Variants in ANTXRL observed in about 807,000 individuals in gnomAD.
ANTXRL encodes the protein anthrax toxin receptor-like.
Under a neutral mutation model 75.4 loss-of-function variants are expected in ANTXRL, and 63 were observed. The ratio of observed to expected loss-of-function variants is 0.84; its 90% CI spans 0.68 to 1.03. The LOEUF is 1.03. Ranked by LOEUF, ANTXRL falls within the 50% of genes least tolerant of loss-of-function variation. The pLI is 0.00. For synonymous variants in ANTXRL, 335 were observed against 291.3 expected (o/e 1.15, Z -1.53); for missense variants, 797 against 789.4 (o/e 1.01, Z -0.12).
chr10:46,300,378 G>A (rs1350027221), intron 9 of ANTXRL, among the ~76,000 whole-genome samples: 1 of 152,120 alleles, frequency 6.6e-6, no homozygotes, highest in African/African-American at 2.4e-5. Context: ...AGGGAGGGAG[G>A]CATGCAGCCC....
intron 16 of ANTXRL, among the ~76,000 whole-genome samples, chr10:46,318,561 T>C (rs1384457144): frequency 6.6e-6 from 1 of 152,054 alleles, no homozygotes; most frequent in African/African-American, 2.4e-5. Flanking sequence ...AGAAAAGCAG[T>C]GAGAGAAGAC....
At chr10:46,321,981 G>A (rs1472678754) in intron 16 of ANTXRL, among the ~76,000 whole-genome samples, 1 of 152,150 alleles carries the variant, frequency 6.6e-6, no homozygotes, top group Non-Finnish European at 1.5e-5. Flanking sequence ...GTGCCATCAT[G>A]TCCATAATAT....
intron 10 of ANTXRL, among the ~76,000 whole-genome samples, chr10:46,303,167 G>A (rs1837860004): frequency 6.6e-6 from 1 of 152,166 alleles, no homozygotes; most frequent in Non-Finnish European, 1.5e-5. Context: ...AGCCCACAAG[G>A]CTACTTCTAG....
chr10:46,291,968 A>G, intron 1 of ANTXRL, 90 bp from the exon 2 acceptor site: 1 of 1,246,216 alleles, frequency 8.0e-7, no homozygotes, highest in South Asian at 1.3e-5. Flanking sequence ...GAGCTTGTTA[A>G]GAGCCTGCTG....
At chr10:46,292,005 G>A (rs1588783702) in intron 1 of ANTXRL, 53 bp from the exon 2 acceptor site, 2 of 1,497,538 alleles carry the variant, frequency 1.3e-6, no homozygotes, top group East Asian at 2.5e-5. Context: ...GCAGACACTT[G>A]CCCATCGGAG....
intron 16 of ANTXRL, among the ~76,000 whole-genome samples, chr10:46,319,754 C>T (rs1354243677): frequency 6.6e-6 from 1 of 152,026 alleles, no homozygotes; most frequent in Non-Finnish European, 1.5e-5. Flanking sequence ...ATTTAGGATG[C>T]CTGCAAACCA....
At chr10:46,316,663 C>T (rs1838741905) in intron 16 of ANTXRL, among the ~76,000 whole-genome samples, 1 of 152,126 alleles carries the variant, frequency 6.6e-6, no homozygotes, top group South Asian at 2.1e-4. Context: ...GTCCTGCTGT[C>T]AGAGTGATCT....
chr10:46,290,045 C>CTTTTTTTTTTTTTTTTTTTTTTT (rs34276033), intron 1 of ANTXRL, among the ~76,000 whole-genome samples: 1 of 119,670 alleles, frequency 8.4e-6, no homozygotes, highest in Non-Finnish European at 1.6e-5. Context: ...TTTTCTTTAT[C>CTTTTTTTTTTTTTTTTTTTTTTT]TTTTTTTTTT....
chr10:46,287,170 G>A lies in ANTXRL; in HGVS notation c.-93G>A. 6 of 1,459,300 alleles carry A rather than the reference G, an allele frequency of 4.1e-6. No individual in the cohort carries two copies. The highest frequency in any genetic ancestry group is 5.4e-6 in the Non-Finnish European group (6 of 1,107,206). 90.4% of individuals were successfully genotyped at this position (1,459,300 alleles called of 1,614,324 possible). A position where few individuals can be genotyped will look rare whatever the true frequency, so the allele number is the denominator to read the frequency against. On this transcript the variant is annotated 5_prime_UTR_variant, in exon 1 of 17. Coordinates refer to ENST00000620264, the MANE Select transcript of ANTXRL (RefSeq NM_001278688.3). The stretch of plus-strand genomic sequence containing the variant: ...AGGAGGGGTGTGGCCCCGGGCATAA[G>A]GGGAGGCGGCAAAGAAGGGGCCTGT...
intron 5 of ANTXRL, among the ~76,000 whole-genome samples, chr10:46,296,551 G>GC (rs5784716): frequency 0.4 from 61,226 of 151,686 alleles, 12,136 homozygotes; most frequent in Non-Finnish European, 0.48. Flanking sequence ...CAAGGGGTTT[G>GC]CCCCTTGCAC....
chr10:46,293,835 T>C lies in ANTXRL; in HGVS notation c.327T>C (p.Asn109=). The C allele has an allele frequency of 6.5e-7, 1 of 1,535,578 alleles. No homozygotes were observed. Among genetic ancestry groups the C allele is most frequent in the African/African-American group, 1.4e-5 (1 of 73,074 alleles). ...GCACATGATTCCTTCACAGCCCAAA[T>C]ATTCGGATGTGCTTCATCACCTACT... ...EETVARFQSP[N]IRMCFITYST... Residue 109 remains asparagine (N), a synonymous_variant, in exon 3 of 17, where the codon AAT becomes AAC. Transcript: ENST00000620264.
chr10:46,296,137 C>T (rs1554958558), intron 4 of ANTXRL, 37 bp downstream of exon 4: 3 of 1,534,810 alleles, frequency 2.0e-6, no homozygotes, highest in Non-Finnish European at 2.6e-6. Flanking sequence ...TAACCCTAAC[C>T]CTAACCCTAA....
chr10:46,290,045 C>CT (rs34276033), intron 1 of ANTXRL, among the ~76,000 whole-genome samples: 3,287 of 119,612 alleles, frequency 0.027, 165 homozygotes, highest in African/African-American at 0.065. Context: ...TTTTCTTTAT[C>CT]TTTTTTTTTT....
At chr10:46,303,377 A>G (rs536237658) in intron 10 of ANTXRL, among the ~76,000 whole-genome samples, 1 of 152,276 alleles carries the variant, frequency 6.6e-6, no homozygotes, top group East Asian at 1.9e-4. Flanking sequence ...TCTCAATTTA[A>G]CATGGAGGCA....
At chr10:46,289,131 G>A (rs753503157) in intron 1 of ANTXRL, among the ~76,000 whole-genome samples, 1 of 152,150 alleles carries the variant, frequency 6.6e-6, no homozygotes, top group African/African-American at 2.4e-5. Context: ...CCTGCAGGCA[G>A]GCTCTTTGGT....
chr10:46,314,849 A>AG (rs1190111124), intron 16 of ANTXRL, among the ~76,000 whole-genome samples: 3 of 152,120 alleles, frequency 2.0e-5, no homozygotes, highest in Admixed American at 6.6e-5. Context: ...GGCTGCCTCC[A>AG]GGCTATCAGA....
intron 10 of ANTXRL, 47 bp downstream of exon 10, chr10:46,302,867 T>A: frequency 7.2e-7 from 1 of 1,393,078 alleles, no homozygotes; most frequent in Non-Finnish European, 9.8e-7. Flanking sequence ...TCCCACACAA[T>A]GCTGCCTTTC....
chr10:46,299,479 T>A (rs1554959912), intron 9 of ANTXRL, among the ~76,000 whole-genome samples: 2 of 151,980 alleles, frequency 1.3e-5, no homozygotes, highest in Admixed American at 1.3e-4. Context: ...GGGGTCTGCA[T>A]GGCCGGCAGT....
intron 3 of ANTXRL, among the ~76,000 whole-genome samples, chr10:46,294,285 G>C (rs1481937599): frequency 1.3e-5 from 2 of 152,112 alleles, no homozygotes; most frequent in African/African-American, 4.8e-5. Flanking sequence ...TGTTCCCCCT[G>C]CCCTGACCAG....
Sources: gnomAD v4.1 joint callset for allele counts (sites outside exome capture counted in the v4.1 genomes callset) on GRCh38, gnomAD v4.1.1 for gene constraint, MANE v1.5 for transcripts, NCBI Gene and HGNC (gene_info 2026-07-23, HGNC 2026-07-21) for gene names.